Variants in MTHFD1L observed in about 807,000 individuals in gnomAD.
MTHFD1L encodes the protein methylenetetrahydrofolate dehydrogenase (NADP+ dependent) 1 like, also known as monofunctional C1-tetrahydrofolate synthase, mitochondrial.
Under a neutral mutation model 119.5 loss-of-function variants are expected in MTHFD1L, and 81 were observed. The ratio of observed to expected loss-of-function variants is 0.68; its 90% CI spans 0.57 to 0.82. MTHFD1L has a LOEUF of 0.82. MTHFD1L is among the 40% of genes least tolerant of loss of function. The probability of loss-of-function intolerance (pLI) is 0.00; values close to 1 mark genes in which losing one functional copy is unlikely to be tolerated. For synonymous variants in MTHFD1L, 430 were observed against 475.2 expected, an observed-to-expected ratio of 0.90 and a Z score of 1.24; for missense variants, 1,125 against 1,253.4, an observed-to-expected ratio of 0.90 and a Z score of 1.55.
chr6:151,000,204 G>T (rs1307564635), intron 20 of MTHFD1L, among the ~76,000 whole-genome samples: 1 of 152,084 alleles, frequency 6.6e-6, no homozygotes, highest in Middle Eastern at 3.2e-3. Context: ...GAGTGTGATG[G>T]TGCACAACTG....
At chr6:151,097,545 A>C (rs1433520320) in intron 27 of MTHFD1L, among the ~76,000 whole-genome samples, 2 of 152,212 alleles carry the variant, frequency 1.3e-5, no homozygotes, top group African/African-American at 4.8e-5. Flanking sequence ...GGAAGCTAAA[A>C]AGCTTACCCT....
chr6:150,868,338 A>C (rs1474271259), intron 1 of MTHFD1L, among the ~76,000 whole-genome samples: 1 of 130,266 alleles, frequency 7.7e-6, no homozygotes, highest in Non-Finnish European at 1.6e-5. Flanking sequence ...GGTGGCTATT[A>C]ATTTTTTTTT....
intron 26 of MTHFD1L, among the ~76,000 whole-genome samples, chr6:151,048,193 G>A (rs1788406884): frequency 6.6e-6 from 1 of 152,148 alleles, no homozygotes; most frequent in South Asian, 2.1e-4. Flanking sequence ...CCCAGGACTG[G>A]TGATGGAGGA....
intron 17 of MTHFD1L, among the ~76,000 whole-genome samples, chr6:150,959,801 A>G (rs897821827): frequency 6.6e-6 from 1 of 152,176 alleles, no homozygotes; most frequent in African/African-American, 2.4e-5. Context: ...TCATTAATTC[A>G]TCTGATGCAT....
chr6:150,956,056 G>A lies in MTHFD1L; in HGVS notation c.1788G>A (p.Lys596=), dbSNP rs1446741393. Residue 596 remains lysine (K), a synonymous_variant, in exon 17 of 28, where the codon AAG becomes AAA. Coordinates refer to ENST00000367321, the MANE Select transcript of MTHFD1L (RefSeq NM_015440.5). The stretch of plus-strand genomic sequence containing the variant: ...CCATCGGGCAGGGAAACACAGAGAA[G>A]GGCCATTACCGGCAGGTAGGTGGTG... ...KITIGQGNTE[K]GHYRQAQFDI... 2.5e-6 allele frequency: 4 copies of A among 1,613,912 alleles called. No individual in the cohort carries two copies. The highest frequency in any genetic ancestry group is 1.1e-5 in the South Asian group (1 of 91,080).
At chr6:151,011,849 G>T (rs1782275751) in intron 21 of MTHFD1L, among the ~76,000 whole-genome samples, 1 of 151,582 alleles carries the variant, frequency 6.6e-6, no homozygotes, top group Admixed American at 6.6e-5. Context: ...ATCACCTGAG[G>T]AGTTCAAGAC....
intron 19 of MTHFD1L, among the ~76,000 whole-genome samples, chr6:150,966,826 T>C (rs1401988283): frequency 6.6e-6 from 1 of 151,914 alleles, no homozygotes; most frequent in Admixed American, 6.6e-5. Flanking sequence ...TCTTATCTTT[T>C]AAAAAAAGGG....
At chr6:150,959,545 C>T (rs1239016357) in intron 17 of MTHFD1L, among the ~76,000 whole-genome samples, 2 of 152,214 alleles carry the variant, frequency 1.3e-5, no homozygotes, top group Non-Finnish European at 2.9e-5. Flanking sequence ...AGTCTGTGCT[C>T]TCTAGCTTTC....
intron 19 of MTHFD1L, among the ~76,000 whole-genome samples, 177 bp downstream of exon 19, chr6:150,965,214 T>C (rs540067949): frequency 3.6e-4 from 55 of 152,188 alleles, no homozygotes; most frequent in African/African-American, 1.3e-3. Context: ...CATTTTGACA[T>C]TGCTACAAGG....
At chr6:151,029,679 C>G (rs2128520863) in intron 24 of MTHFD1L, among the ~76,000 whole-genome samples, 1 of 152,174 alleles carries the variant, frequency 6.6e-6, no homozygotes, top group African/African-American at 2.4e-5. Flanking sequence ...GCCTGTAATC[C>G]CAGCTACTTG....
intron 16 of MTHFD1L, among the ~76,000 whole-genome samples, chr6:150,955,318 T>C (rs1192884025): frequency 6.6e-6 from 1 of 152,196 alleles, no homozygotes; most frequent in Non-Finnish European, 1.5e-5. Flanking sequence ...CCTTCTTTTA[T>C]AGCCGTCTAA....
chr6:150,888,581 G>A (rs1302986749), intron 7 of MTHFD1L, among the ~76,000 whole-genome samples: 1 of 152,184 alleles, frequency 6.6e-6, no homozygotes, highest in Non-Finnish European at 1.5e-5. Flanking sequence ...TATAAAAGCA[G>A]AGGTATCATC....
chr6:151,051,828 G>T (rs1789090247), intron 26 of MTHFD1L, among the ~76,000 whole-genome samples: 1 of 152,226 alleles, frequency 6.6e-6, no homozygotes, highest in African/African-American at 2.4e-5. Context: ...TAAGGAGTGG[G>T]GCTTGGGGTG....
chr6:150,959,303 A>G lies in MTHFD1L; in HGVS notation c.1804-972A>G, dbSNP rs570645893. 5 of 654,482 alleles carry G rather than the reference A, an allele frequency of 7.6e-6. No homozygotes were observed. The East Asian group carries it at 5.4e-4, about 71-fold the overall frequency. The allele number at this position is 654,482 out of a possible 1,614,324, so 40.5% of individuals were successfully genotyped here. On this transcript the variant is annotated intron_variant, in intron 17 of 27. Coordinates refer to ENST00000367321, the MANE Select transcript of MTHFD1L (RefSeq NM_015440.5). ...AAGGTGATCCCACCAGGGCACAGCCATTCTCTCTCTGCGTAAGCTTGAACT... is the reference window on the plus strand; with the variant it reads ...AAGGTGATCCCACCAGGGCACAGCCGTTCTCTCTCTGCGTAAGCTTGAACT...
rs118028038 is a variant in MTHFD1L at position 151,037,366 on chromosome 6, G to A, written c.2847+249G>A. Among the ~76,000 whole-genome samples, 1 of 152,144 alleles carries A rather than the reference G, an allele frequency of 6.6e-6. No individual in the cohort carries two copies. Among genetic ancestry groups the A allele is most frequent in the African/African-American group, 2.4e-5 (1 of 41,418 alleles). On this transcript the variant is annotated intron_variant, in intron 26 of 27. Transcript: ENST00000367321. ...ATAATACTAATTTCCTTCCTAAGGTGAGTAAGAACATAACTTGGGAGAATT... is the reference window on the plus strand; with the variant it reads ...ATAATACTAATTTCCTTCCTAAGGTAAGTAAGAACATAACTTGGGAGAATT...
intron 20 of MTHFD1L, among the ~76,000 whole-genome samples, chr6:150,999,567 T>C (rs945014891): frequency 1.3e-5 from 2 of 152,226 alleles, no homozygotes; most frequent in African/African-American, 4.8e-5. Flanking sequence ...GATTTATGAA[T>C]TTAATTCTGA....
chr6:151,078,872 G>T (rs961994345), intron 26 of MTHFD1L, among the ~76,000 whole-genome samples: 1 of 152,114 alleles, frequency 6.6e-6, no homozygotes, highest in African/African-American at 2.4e-5. Flanking sequence ...GTGGCTCCAG[G>T]AATGGAAACT....
chr6:151,077,541 G>A (rs1792655845), intron 26 of MTHFD1L, among the ~76,000 whole-genome samples: 1 of 152,024 alleles, frequency 6.6e-6, no homozygotes, highest in Admixed American at 6.6e-5. Flanking sequence ...TTTTCCTTGG[G>A]CTGGTGGCAC....
chr6:151,035,264 C>G (rs1785991459), intron 25 of MTHFD1L, among the ~76,000 whole-genome samples: 1 of 152,136 alleles, frequency 6.6e-6, no homozygotes, highest in African/African-American at 2.4e-5. Flanking sequence ...GCTCAGCCAC[C>G]TTCACCAAAA....
Sources: allele counts gnomAD v4.1 joint callset (sites outside exome capture counted in the v4.1 genomes callset), GRCh38; gene constraint gnomAD v4.1.1; transcripts MANE v1.5; gene names NCBI Gene and HGNC (gene_info 2026-07-23, HGNC 2026-07-21).